The following ANAPC1 variants were observed in gnomAD, a reference collection of about 807,000 sequenced individuals.
ANAPC1 encodes anaphase promoting complex subunit 1, also known as anaphase-promoting complex subunit 1.
In ANAPC1, 36 loss-of-function variants were observed where a neutral mutation model predicts 208.0. The ratio of observed to expected loss-of-function variants is 0.17; its 90% CI spans 0.13 to 0.23. ANAPC1 has a LOEUF of 0.23. Among genes scored for constraint, ANAPC1 ranks in the 10% least tolerant of loss-of-function variants. ANAPC1 has a pLI of 1.00. For missense variants in ANAPC1, 942 were observed against 2,011.6 expected (o/e 0.47, Z 10.17); for synonymous variants, 378 against 695.2 (o/e 0.54, Z 7.18).
At chr2:111,836,483 C>CA (rs1419619160) in intron 18 of ANAPC1, among the ~76,000 whole-genome samples, 9 of 149,548 alleles carry the variant, frequency 6.0e-5, no homozygotes, top group African/African-American at 2.2e-4. Flanking sequence ...TTGTCTCTAC[C>CA]AAAAAAATTT....
chr2:111,847,459 A>C (rs918651017), intron 15 of ANAPC1, among the ~76,000 whole-genome samples: 3 of 152,250 alleles, frequency 2.0e-5, no homozygotes, highest in Non-Finnish European at 2.9e-5. Flanking sequence ...ATTTACTTTT[A>C]ATGAGAAGAC....
intron 6 of ANAPC1, among the ~76,000 whole-genome samples, chr2:111,871,097 T>C (rs1487148373): frequency 6.6e-6 from 1 of 152,226 alleles, no homozygotes; most frequent in African/African-American, 2.4e-5. Flanking sequence ...TTGCTAATTA[T>C]AACCTTGTAG....
At chr2:111,847,951 T>C (rs911302862) in intron 14 of ANAPC1, 86 bp from the exon 15 acceptor site, 10 of 1,176,588 alleles carry the variant, frequency 8.5e-6, no homozygotes, top group African/African-American at 4.6e-5. Context: ...TTTTTGCATA[T>C]GGTCTAACAA....
chr2:111,801,124 A>G (rs192160931), intron 33 of ANAPC1, among the ~76,000 whole-genome samples: 2,887 of 152,230 alleles, frequency 0.019, 87 homozygotes, highest in African/African-American at 0.064. Flanking sequence ...TGGGAGACCA[A>G]GGCGGGCAGA....
chr2:111,841,723 C>T (rs1275221807), intron 17 of ANAPC1, among the ~76,000 whole-genome samples: 1 of 152,104 alleles, frequency 6.6e-6, no homozygotes, highest in Admixed American at 6.5e-5. Context: ...GCGTGACGAA[C>T]GCAACCTGAC....
At chr2:111,882,272 T>C (rs1297109992) in intron 1 of ANAPC1, among the ~76,000 whole-genome samples, 2 of 152,112 alleles carry the variant, frequency 1.3e-5, no homozygotes, top group African/African-American at 4.8e-5. Flanking sequence ...CCTAGTTCGG[T>C]GGCCCTGCAA....
intron 20 of ANAPC1, among the ~76,000 whole-genome samples, chr2:111,832,982 C>A (rs1680238710): frequency 7.0e-6 from 1 of 143,564 alleles, no homozygotes; most frequent in Admixed American, 7.2e-5. Context: ...GAAGCTTTCT[C>A]TGACTTTTGC....
At position 111,832,234 on chromosome 2, in the gene ANAPC1, C is replaced by T. The variant is rs191394278; in HGVS notation, c.2477-800G>A. On this transcript the variant is annotated intron_variant, in intron 20 of 47. Transcript: ENST00000341068. ...AGGAGAATCGCTTGAGCCTGGAAGGCAGAGGATGCAGTGAGCCAAGATCGT... is the reference window on the plus strand; with the variant it reads ...AGGAGAATCGCTTGAGCCTGGAAGGTAGAGGATGCAGTGAGCCAAGATCGT... Among the ~76,000 whole-genome samples the T allele has an allele frequency of 3.2e-3, 458 of 144,710 alleles. 4 individuals are homozygous for T. The highest frequency in any genetic ancestry group is 0.011 in the African/African-American group (440 of 38,688). 94.9% of individuals were successfully genotyped at this position (144,710 alleles called of 152,430 possible).
chr2:111,810,704 G>A lies in ANAPC1; in HGVS notation c.3598-1523C>T, dbSNP rs986136509. On this transcript the variant is annotated intron_variant, in intron 28 of 47. Transcript: ENST00000341068. ...TCAAGACCAGCCTGGCCAACATGGT[G>A]AAACCCTGTTTCCATCAAAAATACA... Among the ~76,000 whole-genome samples, 8 of 147,286 alleles carry A rather than the reference G, an allele frequency of 5.4e-5. No individual in the cohort carries two copies. The East Asian group carries it at 1.6e-3, about 29-fold the overall frequency.
intron 3 of ANAPC1, among the ~76,000 whole-genome samples, chr2:111,876,099 C>T (rs577939919): frequency 1.3e-5 from 2 of 152,112 alleles, no homozygotes; most frequent in South Asian, 2.1e-4. Context: ...AGACTAAATA[C>T]TTGCAGAAGA....
rs1443372319 is a variant in ANAPC1, at chr2:111,873,375, A to C, written c.461T>G (p.Leu154Trp). The change falls in exon 5 of 48, where the codon TTG becomes TGG. Residue 154 changes from leucine (L) to tryptophan (W), a missense_variant. Physicochemically the swap from Leu to Trp is moderately conservative, Grantham distance 61. Coordinates refer to ENST00000341068, the MANE Select transcript of ANAPC1 (RefSeq NM_022662.4). The stretch of plus-strand genomic sequence containing the variant: ...ATGCATGTTAATACATGAGCTTTGC[A>C]ATATACATATGCATTTTTCTACTTC... ...SNEVEKCICILQSSCINMHSI... is the reference protein window; with the variant it reads ...SNEVEKCICIWQSSCINMHSI... 6.2e-7 allele frequency: 1 copy of C among 1,607,948 alleles called. No individual in the cohort carries two copies. Among genetic ancestry groups the C allele is most frequent in the Non-Finnish European group, 8.5e-7 (1 of 1,177,880 alleles).
At chr2:111,831,088 G>A (rs1312523388) in intron 21 of ANAPC1, among the ~76,000 whole-genome samples, 198 bp downstream of exon 21, 9 of 152,294 alleles carry the variant, frequency 5.9e-5, no homozygotes, top group Middle Eastern at 3.4e-3. Context: ...AAACAACTTG[G>A]ATAAGTCTCG....
intron 4 of ANAPC1, 92 bp downstream of exon 4, chr2:111,873,521 T>C (rs1573515830): frequency 1.7e-5 from 25 of 1,445,358 alleles, no homozygotes; most frequent in East Asian, 4.9e-5. Flanking sequence ...TAAACCACTA[T>C]TACTAGTGGC....
chr2:111,858,490 G>A (rs1681864402), intron 10 of ANAPC1, 89 bp from the exon 11 acceptor site: 6 of 1,040,858 alleles, frequency 5.8e-6, no homozygotes, highest in Non-Finnish European at 8.4e-6. Flanking sequence ...GCCGGGCGCG[G>A]TGGCTCACAC....
chr2:111,882,754 A>G (rs1683376977), intron 1 of ANAPC1, among the ~76,000 whole-genome samples: 1 of 152,048 alleles, frequency 6.6e-6, no homozygotes, highest in African/African-American at 2.4e-5. Flanking sequence ...AAAAAAAAGA[A>G]AAGTTATTCT....
chr2:111,835,912 G>T (rs1048965348), intron 18 of ANAPC1, among the ~76,000 whole-genome samples: 3 of 152,120 alleles, frequency 2.0e-5, no homozygotes, highest in African/African-American at 4.8e-5. Flanking sequence ...GCTCATCAAA[G>T]ACACTGTTAA....
At chr2:111,862,242 C>T in intron 10 of ANAPC1, 147 bp downstream of exon 10, 2 of 795,112 alleles carry the variant, frequency 2.5e-6, no homozygotes, top group Non-Finnish European at 3.5e-6. Flanking sequence ...TCTACTGAAA[C>T]TGAGGTGGCC....
chr2:111,880,912 A>C, intron 1 of ANAPC1, 63 bp from the exon 2 acceptor site: 1 of 1,362,374 alleles, frequency 7.3e-7, no homozygotes, highest in Non-Finnish European at 1.0e-6. Context: ...AAAATACCAT[A>C]AACACACAAG....
chr2:111,873,266 T>C, intron 5 of ANAPC1, 42 bp downstream of exon 5: 1 of 1,545,450 alleles, frequency 6.5e-7, no homozygotes, highest in Non-Finnish European at 8.7e-7. Context: ...TTCAAAAATG[T>C]TCTCCAACAA....
Sources: gnomAD v4.1 joint callset for allele counts (sites outside exome capture counted in the v4.1 genomes callset) on GRCh38, gnomAD v4.1.1 for gene constraint, MANE v1.5 for transcripts, NCBI Gene and HGNC (gene_info 2026-07-23, HGNC 2026-07-21) for gene names.